Variants in PTPRM observed in about 807,000 individuals in gnomAD.
PTPRM encodes protein tyrosine phosphatase receptor type M, also known as receptor-type tyrosine-protein phosphatase mu.
A neutral mutation model predicts 186.7 loss-of-function variants in PTPRM; 47 were observed. The ratio of observed to expected loss-of-function variants is 0.25; its 90% CI spans 0.20 to 0.32. The LOEUF is 0.32. Among genes scored for constraint, PTPRM ranks in the 10% least tolerant of loss-of-function variants. The pLI is 1.00. For missense variants in PTPRM, 1,494 were observed against 1,865.0 expected (o/e 0.80, Z 3.66); for synonymous variants, 668 against 674.9 (o/e 0.99, Z 0.16).
At chr18:7,589,073 C>A (rs1229470708) in intron 1 of PTPRM, among the ~76,000 whole-genome samples, 1 of 152,118 alleles carries the variant, frequency 6.6e-6, no homozygotes, top group East Asian at 1.9e-4. Context: ...GTCTTGAGCT[C>A]CTGGACTCCA....
rs1228265354 is a variant in PTPRM, at chr18:7,921,841, A to G, written c.548-4727A>G. On this transcript the variant is annotated intron_variant, in intron 4 of 32. Coordinates refer to ENST00000580170, the MANE Select transcript of PTPRM (RefSeq NM_001105244.2). ...GGCTATTTTGAGTTTTTGGTTATAAAGTTTACATATCACCATCTTGTTCAA... is the reference window on the plus strand; with the variant it reads ...GGCTATTTTGAGTTTTTGGTTATAAGGTTTACATATCACCATCTTGTTCAA... Among the ~76,000 whole-genome samples, 9 of 152,206 alleles carry G rather than the reference A, an allele frequency of 5.9e-5. No individual in the cohort carries two copies. In the South Asian group the frequency reaches 1.9e-3, roughly 32 times the overall value.
intron 14 of PTPRM, among the ~76,000 whole-genome samples, chr18:8,231,424 C>T (rs2094284930): frequency 6.6e-6 from 1 of 152,152 alleles, no homozygotes; most frequent in Non-Finnish European, 1.5e-5. Context: ...AGCCAGGTGG[C>T]AATTTGTTCT....
rs751312529 is a variant in PTPRM, at chr18:8,069,912, C to T, written c.1359C>T (p.Thr453=). 7 of 1,613,720 alleles carry T rather than the reference C, an allele frequency of 4.3e-6. No homozygotes were observed. The highest frequency in any genetic ancestry group is 4.2e-6 in the Non-Finnish European group (5 of 1,179,818). The change falls in exon 8 of 33, where the codon ACC becomes ACT. Residue 453 remains threonine, a synonymous_variant. Coordinates refer to ENST00000580170, the MANE Select transcript of PTPRM (RefSeq NM_001105244.2). ...CGATCACTAACCTGTCACCATACACCAATGTCAGTGTGAAACTGATCCTCA... is the reference window on the plus strand; with the variant it reads ...CGATCACTAACCTGTCACCATACACTAATGTCAGTGTGAAACTGATCCTCA... ...QHTITNLSPY[T]NVSVKLILMN... is the part of the protein sequence containing the mutation.
At position 8,126,018 on chromosome 18, in the gene PTPRM, TATATATA is replaced by T. The variant is rs1342025306; in HGVS notation, c.2167+11192_2167+11198del. ...ATATATATATATATATATATATATA[TATATATA>T]TATTTTAAATCAGTAGACCTTTCCA... On this transcript the variant is annotated intron_variant, in intron 13 of 32. Transcript: ENST00000580170. Among the ~76,000 whole-genome samples the T allele has an allele frequency of 4.6e-3, 143 of 31,036 alleles. 10 individuals are homozygous for T. The highest frequency in any genetic ancestry group is 0.017 in the Admixed American group (29 of 1,714). 20.4% of individuals were successfully genotyped at this position (31,036 alleles called of 152,430 possible).
intron 14 of PTPRM, among the ~76,000 whole-genome samples, chr18:8,192,872 A>G (rs2093726933): frequency 6.6e-6 from 1 of 152,214 alleles, no homozygotes; most frequent in Admixed American, 6.5e-5. Flanking sequence ...CTGAGCCTTA[A>G]CAACAAATAG....
intron 14 of PTPRM, among the ~76,000 whole-genome samples, chr18:8,217,801 A>G (rs1257306605): frequency 5.9e-5 from 9 of 152,114 alleles, no homozygotes; most frequent in Non-Finnish European, 1.3e-4. Flanking sequence ...CACTACACGT[A>G]TACACCTTTA....
At chr18:8,264,233 A>G (rs968501375) in intron 19 of PTPRM, among the ~76,000 whole-genome samples, 1 of 152,228 alleles carries the variant, frequency 6.6e-6, no homozygotes, top group African/African-American at 2.4e-5. Context: ...CCTATCTCTT[A>G]CCAACCGCTA....
chr18:7,835,058 C>T (rs1283455594), intron 2 of PTPRM, among the ~76,000 whole-genome samples: 2 of 121,152 alleles, frequency 1.7e-5, no homozygotes, highest in African/African-American at 6.2e-5. Context: ...AAAAAAACAA[C>T]TTTTTGGTTC....
rs181047583 is a variant in PTPRM at position 7,987,261 on chromosome 18, T to C, written c.1132+31847T>C. 9.6e-4 allele frequency among the ~76,000 whole-genome samples: 146 copies of C among 152,328 alleles called. 1 individual carries two copies. Among genetic ancestry groups the C allele is most frequent in the African/African-American group, 2.8e-3 (118 of 41,588 alleles). On this transcript the variant is annotated intron_variant, in intron 7 of 32. Coordinates refer to ENST00000580170, the MANE Select transcript of PTPRM (RefSeq NM_001105244.2). Reference sequence around the variant, plus strand: ...AAACCCTTGGTCAGTTGTGTTTAAATATTGTTTTAGAAGAATTATTCTTAC... The same window carrying C: ...AAACCCTTGGTCAGTTGTGTTTAAACATTGTTTTAGAAGAATTATTCTTAC...
intron 1 of PTPRM, among the ~76,000 whole-genome samples, chr18:7,676,252 G>A (rs2039332825): frequency 6.6e-6 from 1 of 152,072 alleles, no homozygotes; most frequent in Non-Finnish European, 1.5e-5. Context: ...ATTTATTGTT[G>A]CAATTGTTAG....
At chr18:8,188,679 A>G (rs1416925219) in intron 14 of PTPRM, among the ~76,000 whole-genome samples, 1 of 152,146 alleles carries the variant, frequency 6.6e-6, no homozygotes, top group African/African-American at 2.4e-5. Context: ...AATTTTTGTT[A>G]GTTTCACTGT....
chr18:7,871,608 C>T (rs896174896), intron 2 of PTPRM, among the ~76,000 whole-genome samples: 27 of 152,208 alleles, frequency 1.8e-4, no homozygotes, highest in African/African-American at 6.0e-4. Flanking sequence ...GAATCCCCAG[C>T]CTGTTCTCCA....
At chr18:8,069,235 G>A (rs574554904) in intron 7 of PTPRM, among the ~76,000 whole-genome samples, 56 of 152,244 alleles carry the variant, frequency 3.7e-4, no homozygotes, top group African/African-American at 1.3e-3. Flanking sequence ...GAAGGTCAGG[G>A]CTGGTATGGT....
intron 22 of PTPRM, among the ~76,000 whole-genome samples, chr18:8,331,440 G>T (rs78125730): frequency 6.6e-6 from 1 of 152,052 alleles, no homozygotes; most frequent in Admixed American, 6.5e-5. Flanking sequence ...AGGACTGTCC[G>T]CTCCCCACTA....
At chr18:8,209,119 G>A (rs2093968223) in intron 14 of PTPRM, among the ~76,000 whole-genome samples, 1 of 152,176 alleles carries the variant, frequency 6.6e-6, no homozygotes, top group African/African-American at 2.4e-5. Context: ...TTTGAAAAAA[G>A]GCGTGACATT....
At chr18:7,973,139 C>T (rs1275715770) in intron 7 of PTPRM, among the ~76,000 whole-genome samples, 1 of 152,090 alleles carries the variant, frequency 6.6e-6, no homozygotes, top group Non-Finnish European at 1.5e-5. Context: ...AGCCCCTCCT[C>T]TCTTGATGGA....
intron 2 of PTPRM, among the ~76,000 whole-genome samples, chr18:7,871,515 C>A (rs557435071): frequency 6.6e-6 from 1 of 152,304 alleles, no homozygotes; most frequent in East Asian, 1.9e-4. Context: ...TCTGAGGGGC[C>A]GTGGACATGT....
chr18:8,387,083 A>G lies in PTPRM; in HGVS notation c.4056A>G (p.Gly1352=). ...RIYNAARPQD[G]YRMVQQFQFL... ...CTTGTTCTTCGTAGCCCCAAGATGG[A>G]TATCGGATGGTGCAGCAATTCCAGT... is the stretch of plus-strand genomic sequence containing the variant. Residue 1352 remains glycine (G), a synonymous_variant, in exon 31 of 33, where the codon GGA becomes GGG. Transcript: ENST00000580170. 6.2e-7 allele frequency: 1 copy of G among 1,606,966 alleles called. No homozygotes were observed. The highest frequency in any genetic ancestry group is 8.5e-7 in the Non-Finnish European group (1 of 1,173,540).
chr18:8,113,054 G>T (rs577447722), intron 11 of PTPRM, among the ~76,000 whole-genome samples: 73 of 152,236 alleles, frequency 4.8e-4, no homozygotes, highest in African/African-American at 1.7e-3. Flanking sequence ...CTTTACTTGT[G>T]TTGTCATTAA....
Sources: allele counts gnomAD v4.1 joint callset (sites outside exome capture counted in the v4.1 genomes callset), GRCh38; gene constraint gnomAD v4.1.1; transcripts MANE v1.5; gene names NCBI Gene and HGNC (gene_info 2026-07-23, HGNC 2026-07-21).